The following AFF3 variants were observed in gnomAD, a reference collection of about 807,000 sequenced individuals.
The protein encoded by AFF3 is AF4/FMR2 family member 3.
Under a neutral mutation model 129.7 loss-of-function variants are expected in AFF3, and 32 were observed. That is an observed-to-expected ratio of 0.25 (90% CI 0.19 to 0.33). The LOEUF (loss-of-function observed/expected upper bound fraction) is 0.33. Among genes scored for constraint, AFF3 ranks in the 10% least tolerant of loss-of-function variants. The pLI is 1.00. For missense variants in AFF3, 1,373 were observed against 1,592.0 expected (o/e 0.86, Z 2.34); for synonymous variants, 644 against 635.4 (o/e 1.01, Z -0.20).
chr2:99,910,621 C>T (rs1695039866), intron 7 of AFF3, among the ~76,000 whole-genome samples: 1 of 152,238 alleles, frequency 6.6e-6, no homozygotes, highest in African/African-American at 2.4e-5. Flanking sequence ...GAAAACTGTG[C>T]TTCTCTAAGT....
rs542012089 is a variant in AFF3 at position 99,579,400 on chromosome 2, C to T, written c.2794-949G>A. Among the ~76,000 whole-genome samples, 44 of 137,678 alleles carry T rather than the reference C, an allele frequency of 3.2e-4. No homozygotes were observed. In the Middle Eastern group the frequency reaches 0.017, roughly 53 times the overall value. 90.3% of individuals were successfully genotyped at this position (137,678 alleles called of 152,430 possible). A position where few individuals can be genotyped will look rare whatever the true frequency, so the allele number is the denominator to read the frequency against. On this transcript the variant is annotated intron_variant, in intron 17 of 24. Transcript: ENST00000672756. ...AGCCTGGGCAACAAGAGTGAAACTC[C>T]GTCTCAAAAAAAAAAAAAAATAAAT...
At chr2:99,595,549 T>C (rs975085171) in intron 14 of AFF3, among the ~76,000 whole-genome samples, 1 of 151,956 alleles carries the variant, frequency 6.6e-6, no homozygotes, top group Non-Finnish European at 1.5e-5. Flanking sequence ...TAAATAAAAA[T>C]AATAAAGTTT....
chr2:99,695,986 A>C (rs1260952594), intron 11 of AFF3, among the ~76,000 whole-genome samples: 15 of 151,420 alleles, frequency 9.9e-5, no homozygotes, highest in Admixed American at 9.9e-4. Context: ...AAAAAAAAAA[A>C]AACTAAAAAC....
intron 11 of AFF3, among the ~76,000 whole-genome samples, chr2:99,701,544 C>T (rs538414290): frequency 6.6e-6 from 1 of 152,152 alleles, no homozygotes; most frequent in African/African-American, 2.4e-5. Flanking sequence ...ACAAAATGTA[C>T]AGGGAAGTCC....
intron 7 of AFF3, among the ~76,000 whole-genome samples, chr2:99,918,392 A>G (rs1477071907): frequency 6.6e-6 from 1 of 152,116 alleles, no homozygotes; most frequent in Non-Finnish European, 1.5e-5. Flanking sequence ...ATGTTCTTAA[A>G]AACTCTCCTA....
At position 99,934,588 on chromosome 2, in the gene AFF3, G is replaced by C. The variant is rs144513602; in HGVS notation, c.873+72044C>G. On this transcript the variant is annotated intron_variant, in intron 7 of 24. Transcript: ENST00000672756. ...TATCCCACAAAACCTCTAACTACAG[G>C]AGCAGAGTAAGGAAAGGGAATATCC... Among the ~76,000 whole-genome samples the C allele has an allele frequency of 5.0e-3, 754 of 152,200 alleles. 5 individuals are homozygous for C. The highest frequency in any genetic ancestry group is 0.017 in the African/African-American group (713 of 41,526).
chr2:99,626,911 C>T (rs1443232886), intron 13 of AFF3, among the ~76,000 whole-genome samples: 1 of 152,110 alleles, frequency 6.6e-6, no homozygotes, highest in Non-Finnish European at 1.5e-5. Context: ...ATGATTTGTT[C>T]TTTTTTATGG....
intron 8 of AFF3, among the ~76,000 whole-genome samples, chr2:99,795,955 T>C (rs1368298854): frequency 6.6e-6 from 1 of 152,096 alleles, no homozygotes; most frequent in African/African-American, 2.4e-5. Context: ...AGAAACAATA[T>C]TTGTGAAAAA....
chr2:100,041,898 A>G (rs1393218526), intron 4 of AFF3, among the ~76,000 whole-genome samples: 1 of 152,200 alleles, frequency 6.6e-6, no homozygotes, highest in Non-Finnish European at 1.5e-5. Context: ...CTACTATCAC[A>G]ATGGTATTTA....
At position 99,548,827 on chromosome 2, in the gene AFF3, T is replaced by C. The variant is rs189707294; in HGVS notation, c.*2647A>G. Reference sequence around the variant, plus strand: ...TATGAATGACTTTCACAAGCAACAATTGGAGGATGGTTACTAACCAAAATC... The same window carrying C: ...TATGAATGACTTTCACAAGCAACAACTGGAGGATGGTTACTAACCAAAATC... On this transcript the variant is annotated 3_prime_UTR_variant, in exon 25 of 25. Transcript: ENST00000672756. 1.9e-4 allele frequency: 45 copies of C among 232,716 alleles called. No individual in the cohort carries two copies. Among genetic ancestry groups the C allele is most frequent in the Non-Finnish European group, 3.6e-4 (42 of 117,716 alleles). 14.4% of individuals were successfully genotyped at this position (232,716 alleles called of 1,614,324 possible). A position where few individuals can be genotyped will look rare whatever the true frequency, so the allele number is the denominator to read the frequency against.
intron 8 of AFF3, among the ~76,000 whole-genome samples, chr2:99,782,875 T>G (rs779320168): frequency 5.9e-5 from 9 of 152,150 alleles, no homozygotes; most frequent in African/African-American, 9.7e-5. Flanking sequence ...GGCACATGAG[T>G]GTGTAGAGGA....
chr2:100,011,964 C>G (rs1417588416), intron 4 of AFF3, among the ~76,000 whole-genome samples: 2 of 152,098 alleles, frequency 1.3e-5, no homozygotes, highest in African/African-American at 2.4e-5. Flanking sequence ...CATCCCCCAA[C>G]CCCTTTAAGC....
At chr2:99,564,951 A>G (rs764536674) in intron 20 of AFF3, among the ~76,000 whole-genome samples, 1 of 152,080 alleles carries the variant, frequency 6.6e-6, no homozygotes, top group Non-Finnish European at 1.5e-5. Flanking sequence ...ATCATGGAGG[A>G]TAAGTGTTTG....
chr2:99,790,252 A>T (rs138965610), intron 8 of AFF3, among the ~76,000 whole-genome samples: 59 of 152,362 alleles, frequency 3.9e-4, no homozygotes, highest in Admixed American at 5.9e-4. Flanking sequence ...TGCTATAAGG[A>T]CATCAACTAG....
intron 16 of AFF3, among the ~76,000 whole-genome samples, chr2:99,584,091 C>T (rs1677850127): frequency 6.6e-6 from 1 of 152,174 alleles, no homozygotes; most frequent in Admixed American, 6.5e-5. Flanking sequence ...CAGAGAACAA[C>T]CTGCAATATG....
Position 99,876,352 on chromosome 2 carries a change from T to G in AFF3, c.874-38828A>C, listed in dbSNP as rs182153162. ...AACTCTTGATCTTTGCTGCTAAACTTCTCCTTTTTCCATCCTTCCCGCCTC... is the reference window on the plus strand; with the variant it reads ...AACTCTTGATCTTTGCTGCTAAACTGCTCCTTTTTCCATCCTTCCCGCCTC... On this transcript the variant is annotated intron_variant, in intron 7 of 24. Coordinates refer to ENST00000672756, the MANE Select transcript of AFF3 (RefSeq NM_001386135.1). Among the ~76,000 whole-genome samples the G allele has an allele frequency of 3.9e-5, 6 of 152,258 alleles. No individual in the cohort carries two copies. The East Asian group carries it at 1.2e-3, about 29-fold the overall frequency.
rs1049460953 is a variant in AFF3 at position 99,711,489 on chromosome 2, C to T, written c.1091+15588G>A. ...GGTCCCAGGCTGCCTGAGAAGGGGT[C>T]AGCATTAGAGGCATGCGGGTGCAAA... On this transcript the variant is annotated intron_variant, in intron 11 of 24. Transcript: ENST00000672756. Among the ~76,000 whole-genome samples, 5 of 152,108 alleles carry T rather than the reference C, an allele frequency of 3.3e-5. No individual in the cohort carries two copies. The South Asian group carries it at 1.0e-3, about 32-fold the overall frequency.
chr2:100,053,337 C>T (rs1226916664), intron 4 of AFF3, among the ~76,000 whole-genome samples: 1 of 152,186 alleles, frequency 6.6e-6, no homozygotes, highest in Non-Finnish European at 1.5e-5. Context: ...ATTCTTGGTT[C>T]CTAAAATGAG....
At chr2:100,098,360 G>A (rs1280282312) in intron 4 of AFF3, among the ~76,000 whole-genome samples, 1 of 151,870 alleles carries the variant, frequency 6.6e-6, no homozygotes, top group Non-Finnish European at 1.5e-5. Flanking sequence ...TTGCCACCAA[G>A]GCTTTATTCC....
Sources: allele counts gnomAD v4.1 joint callset (sites outside exome capture counted in the v4.1 genomes callset), GRCh38; gene constraint gnomAD v4.1.1; transcripts MANE v1.5; gene names NCBI Gene and HGNC (gene_info 2026-07-23, HGNC 2026-07-21).